The following HIPK2 variants were observed in gnomAD, a reference collection of about 807,000 sequenced individuals.
HIPK2 encodes homeodomain-interacting protein kinase 2.
HIPK2 carries 27 observed loss-of-function variants against 113.7 expected under a neutral mutation model. The ratio of observed to expected loss-of-function variants is 0.24; its 90% confidence interval spans 0.17 to 0.33. HIPK2 has a LOEUF of 0.33. HIPK2 is among the 10% of genes least tolerant of loss of function. The pLI, the probability that HIPK2 is intolerant of heterozygous loss-of-function variation, is 1.00. For synonymous variants in HIPK2, 631 were observed against 642.2 expected, an observed-to-expected ratio of 0.98 and a Z score of 0.26; for missense variants, 1,257 against 1,588.0, an observed-to-expected ratio of 0.79 and a Z score of 3.54.
rs1344018802 is a variant in HIPK2, at chr7:139,777,932, C to T, written c.-309G>A. ...GCGCCGAGCGGCCGCGGCCCCCGAG[C>T]GGATCCGCGGAGGGGCGGGAGCCGG... On this transcript the variant is annotated 5_prime_UTR_variant, in exon 1 of 15. Coordinates refer to ENST00000406875, the MANE Select transcript of HIPK2 (RefSeq NM_022740.5). Among the ~76,000 whole-genome samples the T allele has an allele frequency of 1.4e-5, 2 of 142,024 alleles. No homozygotes were observed. The highest frequency in any genetic ancestry group is 2.2e-4 in the South Asian group (1 of 4,642). 93.2% of individuals were successfully genotyped at this position (142,024 alleles called of 152,430 possible).
intron 2 of HIPK2, among the ~76,000 whole-genome samples, chr7:139,668,541 A>G (rs1379405776): frequency 6.6e-6 from 1 of 150,558 alleles, no homozygotes; most frequent in Non-Finnish European, 1.5e-5. Context: ...ACTGCACTCC[A>G]GCCTGGGTGA....
chr7:139,728,276 A>C (rs1175560409), intron 1 of HIPK2, among the ~76,000 whole-genome samples: 4 of 152,138 alleles, frequency 2.6e-5, no homozygotes, highest in African/African-American at 9.7e-5. Flanking sequence ...AACACAAAAC[A>C]CCACTTTCTA....
intron 9 of HIPK2, among the ~76,000 whole-genome samples, chr7:139,610,070 A>C (rs1799761075): frequency 6.6e-6 from 1 of 152,214 alleles, no homozygotes; most frequent in African/African-American, 2.4e-5. Context: ...GGAGATTTAC[A>C]ACACTCTAGG....
chr7:139,695,923 G>C (rs939058649), intron 2 of HIPK2, among the ~76,000 whole-genome samples: 1 of 146,356 alleles, frequency 6.8e-6, no homozygotes, highest in Non-Finnish European at 1.5e-5. Flanking sequence ...ACACTGTCTT[G>C]CTCCTAATAG....
At chr7:139,754,761 C>T (rs1013149453) in intron 1 of HIPK2, among the ~76,000 whole-genome samples, 19 of 152,222 alleles carry the variant, frequency 1.2e-4, no homozygotes, top group African/African-American at 3.4e-4. Flanking sequence ...CAGCAGCCTC[C>T]GTGGGCAGTG....
chr7:139,628,840 C>T, intron 5 of HIPK2, 113 bp downstream of exon 5: 1 of 856,402 alleles, frequency 1.2e-6, no homozygotes, highest in Admixed American at 2.4e-5. Flanking sequence ...CAAGGTCAAC[C>T]ACTGCAGTTG....
At chr7:139,686,260 T>C (rs1450161965) in intron 2 of HIPK2, among the ~76,000 whole-genome samples, 1 of 152,240 alleles carries the variant, frequency 6.6e-6, no homozygotes, top group African/African-American at 2.4e-5. Context: ...ACTGAATTGC[T>C]GCACTCTCAT....
At chr7:139,601,567 TGACTA>T (rs1222313219) in intron 10 of HIPK2, among the ~76,000 whole-genome samples, 2 of 152,212 alleles carry the variant, frequency 1.3e-5, no homozygotes, top group Non-Finnish European at 2.9e-5. Flanking sequence ...AACTGAAGGT[TGACTA>T]GACAAGTATA....
At chr7:139,711,114 T>C (rs1433247270) in intron 2 of HIPK2, among the ~76,000 whole-genome samples, 1 of 151,830 alleles carries the variant, frequency 6.6e-6, no homozygotes, top group Non-Finnish European at 1.5e-5. Context: ...GAAGACAGTC[T>C]TTGCACCCCA....
At chr7:139,598,935 G>A (rs1268374385) in intron 11 of HIPK2, among the ~76,000 whole-genome samples, 1 of 152,218 alleles carries the variant, frequency 6.6e-6, no homozygotes, top group Admixed American at 6.5e-5. Flanking sequence ...AGCTGCCAAT[G>A]ATCTGAGATA....
chr7:139,659,335 A>G (rs1801785481), intron 2 of HIPK2, among the ~76,000 whole-genome samples: 1 of 152,244 alleles, frequency 6.6e-6, no homozygotes, highest in Non-Finnish European at 1.5e-5. Context: ...ATGCAGCTGA[A>G]GATTCAACAG....
intron 1 of HIPK2, among the ~76,000 whole-genome samples, chr7:139,727,307 C>G (rs1005217738): frequency 2.6e-5 from 4 of 152,098 alleles, no homozygotes; most frequent in African/African-American, 9.7e-5. Flanking sequence ...GTGGCAGAGC[C>G]TGGCTGGGAA....
chr7:139,577,140 C>CTTTTTTT (rs966966045), intron 13 of HIPK2, among the ~76,000 whole-genome samples: 11 of 91,456 alleles, frequency 1.2e-4, no homozygotes, highest in Middle Eastern at 8.6e-3. Context: ...ACTGGGCTTC[C>CTTTTTTT]TTTTTTTTTT....
chr7:139,708,328 A>G (rs1307520286), intron 2 of HIPK2, among the ~76,000 whole-genome samples: 1 of 152,146 alleles, frequency 6.6e-6, no homozygotes, highest in Admixed American at 6.5e-5. Context: ...CATGGATATT[A>G]AGTATGTACA....
chr7:139,655,038 A>C (rs1801608090), intron 2 of HIPK2, among the ~76,000 whole-genome samples: 1 of 152,160 alleles, frequency 6.6e-6, no homozygotes, highest in Non-Finnish European at 1.5e-5. Flanking sequence ...AGAGCAATAG[A>C]AAATAGCTAA....
chr7:139,572,855 G>T lies in HIPK2; in HGVS notation c.*72C>A. On this transcript the variant is annotated 3_prime_UTR_variant, in exon 15 of 15. Transcript: ENST00000406875. ...GGCCAGCGCCCACGGTCCCAGGAGC[G>T]CCTCCCTCCTTCTCTCCCTCCTCCC... 1 of 1,138,332 alleles carries T rather than the reference G, an allele frequency of 8.8e-7. No individual in the cohort carries two copies. Among genetic ancestry groups the T allele is most frequent in the Non-Finnish European group, 1.1e-6 (1 of 887,888 alleles). 70.5% of individuals were successfully genotyped at this position (1,138,332 alleles called of 1,614,324 possible).
chr7:139,697,927 T>C (rs1794609658), intron 2 of HIPK2, among the ~76,000 whole-genome samples: 1 of 151,674 alleles, frequency 6.6e-6, no homozygotes, highest in Admixed American at 6.6e-5. Flanking sequence ...TGGAGTGCAT[T>C]GGCACGATCT....
At chr7:139,746,519 C>T (rs1216201734) in intron 1 of HIPK2, among the ~76,000 whole-genome samples, 2 of 152,116 alleles carry the variant, frequency 1.3e-5, no homozygotes, top group Non-Finnish European at 2.9e-5. Context: ...AAGTATTAAG[C>T]TCAGAACTGG....
At chr7:139,696,868 C>T (rs1794582092) in intron 2 of HIPK2, among the ~76,000 whole-genome samples, 2 of 151,958 alleles carry the variant, frequency 1.3e-5, no homozygotes, top group Admixed American at 1.3e-4. Context: ...ACAGGCCAGG[C>T]ACTGCATGTG....
Sources: gnomAD v4.1 joint callset for allele counts (sites outside exome capture counted in the v4.1 genomes callset) on GRCh38, gnomAD v4.1.1 for gene constraint, MANE v1.5 for transcripts, NCBI Gene and HGNC (gene_info 2026-07-23, HGNC 2026-07-21) for gene names.